RBM44: variants seen among roughly 807,000 people sequenced by gnomAD.
RBM44 encodes the protein RNA binding motif protein 44.
RBM44 carries 66 observed loss-of-function variants against 105.1 expected under a neutral mutation model. That is an observed-to-expected ratio of 0.63 (90% CI 0.52 to 0.77). The LOEUF (loss-of-function observed/expected upper bound fraction) is 0.77. RBM44 is among the 30% of genes least tolerant of loss of function. RBM44 has a pLI of 0.00. For missense variants in RBM44, 1,122 were observed against 1,207.8 expected (o/e 0.93, Z 1.05); for synonymous variants, 365 against 417.6 (o/e 0.87, Z 1.54).
At chr2:237,813,539 TCA>T (rs2061680472) in intron 1 of RBM44, 51 bp from the exon 2 acceptor site, 3 of 991,282 alleles carry the variant, frequency 3.0e-6, no homozygotes, top group Admixed American at 4.4e-5. Flanking sequence ...TATGTAGTTG[TCA>T]ATTTATGCTT....
intron 1 of RBM44, 67 bp from the exon 2 acceptor site, chr2:237,813,525 C>T: frequency 2.4e-6 from 2 of 830,032 alleles, no homozygotes; most frequent in Non-Finnish European, 3.8e-6. Flanking sequence ...ATCTTTCTGT[C>T]CTTTATGTAG....
intron 1 of RBM44, among the ~76,000 whole-genome samples, chr2:237,812,486 C>T (rs1004620949): frequency 6.6e-6 from 1 of 152,176 alleles, no homozygotes; most frequent in African/African-American, 2.4e-5. Context: ...GTGGCAAAGT[C>T]AGGATTCAAG....
In RBM44 at chr2:237,829,248, G is replaced by C. The variant is rs375782477; in HGVS notation, c.2632G>C (p.Asp878His). Reference protein sequence around the residue: ...YASLAFTKNSDAKIAVKEMNG... With the variant: ...YASLAFTKNSHAKIAVKEMNG... ...ATCTCTTGCTTTTACAAAAAACAGC[G>C]ATGCAAAGATAGCTGTGAAAGAAAT... Residue 878 changes from aspartate to histidine, a missense_variant, in exon 13 of 16, where the codon GAT becomes CAT. By Grantham distance (81) the Asp-to-His change is moderately conservative. This residue lies in a region of RBM44 where 194 missense variants were observed against 225.5 expected (regional missense o/e 0.86). Transcript: ENST00000316997. 2.5e-6 allele frequency: 4 copies of C among 1,611,640 alleles called. No individual in the cohort carries two copies. The highest frequency in any genetic ancestry group is 2.2e-5 in the East Asian group (1 of 44,820).
chr2:237,806,246 G>T (rs574508952), intron 1 of RBM44, among the ~76,000 whole-genome samples: 6 of 152,148 alleles, frequency 3.9e-5, no homozygotes, highest in African/African-American at 1.4e-4. Context: ...ATTTTGTGTT[G>T]TCTCTTTTTC....
At chr2:237,823,730 G>T (rs1559917450) in intron 9 of RBM44, among the ~76,000 whole-genome samples, 176 bp downstream of exon 9, 2 of 152,058 alleles carry the variant, frequency 1.3e-5, no homozygotes. Context: ...CTTTAAGGTT[G>T]CCTAATATAG....
chr2:237,828,386 G>C (rs1280653836), intron 12 of RBM44, among the ~76,000 whole-genome samples: 1 of 152,050 alleles, frequency 6.6e-6, no homozygotes, highest in East Asian at 1.9e-4. Context: ...TTAACCTGTT[G>C]ATATGATGTT....
At chr2:237,813,515 A>G (rs2061680206) in intron 1 of RBM44, 77 bp from the exon 2 acceptor site, 1 of 732,816 alleles carries the variant, frequency 1.4e-6, no homozygotes, top group Admixed American at 3.0e-5. Flanking sequence ...AAAAGGACAT[A>G]TCTTTCTGTC....
At chr2:237,809,038 A>G (rs1043860009) in intron 1 of RBM44, among the ~76,000 whole-genome samples, 5 of 152,234 alleles carry the variant, frequency 3.3e-5, no homozygotes, top group East Asian at 1.9e-4. Context: ...AAGAATTTCA[A>G]TTCTCATTAT....
chr2:237,816,748 A>G (rs529235545), intron 2 of RBM44, among the ~76,000 whole-genome samples: 1 of 152,268 alleles, frequency 6.6e-6, no homozygotes, highest in African/African-American at 2.4e-5. Flanking sequence ...TCTTGCCCTC[A>G]TGACCTCATG....
Position 237,803,302 on chromosome 2 carries a change from GACAC to G in RBM44, c.-19+4455_-19+4458del, listed in dbSNP as rs139408669. On this transcript the variant is annotated intron_variant, in intron 1 of 15. Transcript: ENST00000316997. This position sits in a 1 kb window ranked among gnomAD's most constrained non-coding sequence, Gnocchi z 4.2. ...TCTCTGTCTCTGGGTGACAGAGCGA[GACAC>G]ACACACACACACATACTCTCTCTCT... Among the ~76,000 whole-genome samples the G allele has an allele frequency of 1.3e-5, 2 of 149,722 alleles. No individual in the cohort carries two copies. Among genetic ancestry groups the G allele is most frequent in the South Asian group, 2.1e-4 (1 of 4,698 alleles).
chr2:237,809,865 G>C (rs1234027288), intron 1 of RBM44, among the ~76,000 whole-genome samples: 1 of 152,114 alleles, frequency 6.6e-6, no homozygotes, highest in Non-Finnish European at 1.5e-5. Flanking sequence ...CCAGGAGTTC[G>C]GGGCTGCAGT....
At chr2:237,836,106 A>G (rs1169409731) in intron 15 of RBM44, among the ~76,000 whole-genome samples, 1 of 152,208 alleles carries the variant, frequency 6.6e-6, no homozygotes, top group Non-Finnish European at 1.5e-5. Flanking sequence ...GGAAAAGTCA[A>G]TTCCTAGCTT....
At chr2:237,833,425 C>T (rs941236440) in intron 13 of RBM44, among the ~76,000 whole-genome samples, 5 of 152,138 alleles carry the variant, frequency 3.3e-5, no homozygotes, top group Admixed American at 6.6e-5. Flanking sequence ...TTTGTCTCTT[C>T]GCAATAGAGG....
At chr2:237,837,509 A>G (rs2061971438) in intron 15 of RBM44, among the ~76,000 whole-genome samples, 1 of 152,210 alleles carries the variant, frequency 6.6e-6, no homozygotes, top group Non-Finnish European at 1.5e-5. Flanking sequence ...AAGGGGTTCA[A>G]GACTTCAGTG....
Position 237,817,858 on chromosome 2 carries a change from T to C in RBM44, c.939T>C (p.Ser313=). The C allele has an allele frequency of 3.1e-6, 5 of 1,610,844 alleles. No individual in the cohort carries two copies. The highest frequency in any genetic ancestry group is 3.4e-6 in the Non-Finnish European group (4 of 1,178,790). The change falls in exon 3 of 16, where the codon AGT becomes AGC. Residue 313 remains serine, a synonymous_variant. Transcript: ENST00000316997. ...SPGNQESQSK[S]GSLSPQKVLK... is the part of the protein sequence containing the mutation. Reference sequence around the variant, plus strand: ...GAAACCAGGAATCTCAATCTAAGAGTGGTTCCTTGAGCCCTCAAAAAGTAT... The same window carrying C: ...GAAACCAGGAATCTCAATCTAAGAGCGGTTCCTTGAGCCCTCAAAAAGTAT...
rs189191970 is a variant in RBM44 at position 237,841,116 on chromosome 2, A to T, written c.*23-723A>T. Among the ~76,000 whole-genome samples, 760 of 152,386 alleles carry T rather than the reference A, an allele frequency of 5.0e-3. 7 individuals are homozygous for T. Among genetic ancestry groups the T allele is most frequent in the Non-Finnish European group, 8.7e-3 (590 of 68,034 alleles). On this transcript the variant is annotated intron_variant, in intron 15 of 15. Coordinates refer to ENST00000316997, the MANE Select transcript of RBM44 (RefSeq NM_001080504.3). This position sits in a 1 kb window ranked among gnomAD's most constrained non-coding sequence, Gnocchi z 4.5. Reference sequence around the variant, plus strand: ...ATCATTGTACCATAAAGACACATGCATGTGCATATTTATCACAGCACTATT... The same window carrying T: ...ATCATTGTACCATAAAGACACATGCTTGTGCATATTTATCACAGCACTATT...
At chr2:237,807,420 A>G (rs953502214) in intron 1 of RBM44, among the ~76,000 whole-genome samples, 10 of 152,238 alleles carry the variant, frequency 6.6e-5, no homozygotes, top group Non-Finnish European at 1.3e-4. Flanking sequence ...AAGTGCTGAG[A>G]TTACCGGCCT....
rs13008850 is a variant in RBM44, at chr2:237,817,613, G to T, written c.694G>T (p.Val232Leu). 1 of 1,612,990 alleles carries T rather than the reference G, an allele frequency of 6.2e-7. No individual in the cohort carries two copies. Among genetic ancestry groups the T allele is most frequent in the Non-Finnish European group, 8.5e-7 (1 of 1,179,446 alleles). Residue 232 changes from valine to leucine, a missense_variant, in exon 3 of 16, where the codon GTA becomes TTA. Physicochemically the swap from Val to Leu is conservative, Grantham distance 32. Transcript: ENST00000316997. ...SGYEVKCASN[V>L]EDNRVNSGSG... The stretch of plus-strand genomic sequence containing the variant: ...TTATGAAGTTAAATGTGCTAGCAAT[G>T]TAGAAGATAATCGTGTTAACTCGGG...
chr2:237,819,772 T>C (rs185666091), intron 4 of RBM44, among the ~76,000 whole-genome samples: 82 of 152,166 alleles, frequency 5.4e-4, no homozygotes, highest in African/African-American at 1.8e-3. Flanking sequence ...AGAATAATTT[T>C]CATCCAAAAT....
Sources: gnomAD v4.1 joint callset for allele counts (sites outside exome capture counted in the v4.1 genomes callset) on GRCh38, gnomAD v4.1.1 for gene constraint, gnomAD v4.1.1 regional missense constraint, Gnocchi (gnomAD v3.1) non-coding constraint, MANE v1.5 for transcripts, NCBI Gene and HGNC (gene_info 2026-07-23, HGNC 2026-07-21) for gene names.